The following CNTN5 variants were observed in gnomAD, a reference collection of about 807,000 sequenced individuals.
CNTN5 encodes contactin-5.
In CNTN5, 77 loss-of-function variants were observed where a neutral mutation model predicts 129.1. That is an observed-to-expected ratio of 0.60 (90% confidence interval 0.50 to 0.72). The LOEUF is 0.72. Ranked by LOEUF, CNTN5 falls within the 30% of genes least tolerant of loss-of-function variation. The pLI is 0.00. For missense variants in CNTN5, 1,478 were observed against 1,328.8 expected, an observed-to-expected ratio of 1.11 and a Z score of -1.75; for synonymous variants, 509 against 465.6, an observed-to-expected ratio of 1.09 and a Z score of -1.20.
intron 2 of CNTN5, among the ~76,000 whole-genome samples, chr11:99,541,812 G>A (rs1351601366): frequency 6.6e-6 from 1 of 151,892 alleles, no homozygotes; most frequent in Non-Finnish European, 1.5e-5. Context: ...GGCTACGTAG[G>A]ATGGCATGTG....
chr11:99,165,403 C>CT (rs1860822517), intron 1 of CNTN5, among the ~76,000 whole-genome samples: 1 of 152,024 alleles, frequency 6.6e-6, no homozygotes. Context: ...CATGTCAGGC[C>CT]TTTTGGTAGC....
intron 8 of CNTN5, among the ~76,000 whole-genome samples, chr11:99,982,618 G>A (rs1182092540): frequency 1.3e-5 from 2 of 151,984 alleles, no homozygotes; most frequent in African/African-American, 2.4e-5. Flanking sequence ...ATCCAAGACA[G>A]GTCAAATTTA....
intron 3 of CNTN5, among the ~76,000 whole-genome samples, chr11:99,747,181 T>TA (rs1565485689): frequency 1.3e-5 from 2 of 152,294 alleles, no homozygotes; most frequent in African/African-American, 4.8e-5. Flanking sequence ...GATGTGATTA[T>TA]AAAAAATATT....
rs1009629046 is a variant in CNTN5, at chr11:100,303,837, A to G, written c.2620+4441A>G. 2.0e-5 allele frequency among the ~76,000 whole-genome samples: 3 copies of G among 151,798 alleles called. No homozygotes were observed. In the East Asian group the frequency reaches 5.8e-4, roughly 30 times the overall value. On this transcript the variant is annotated intron_variant, in intron 20 of 24. Transcript: ENST00000524871. The stretch of plus-strand genomic sequence containing the variant: ...ATTAATAAATTGACATGTTAGTTGT[A>G]AAATACAAGAAATAATTTCCTGTCT...
At chr11:99,797,094 T>A (rs1945968179) in intron 3 of CNTN5, among the ~76,000 whole-genome samples, 1 of 152,096 alleles carries the variant, frequency 6.6e-6, no homozygotes, top group African/African-American at 2.4e-5. Context: ...ATATCCCTCC[T>A]GGCTACATCT....
At chr11:99,119,391 T>G (rs79615637) in intron 1 of CNTN5, among the ~76,000 whole-genome samples, 7,157 of 152,302 alleles carry the variant, frequency 0.047, 196 homozygotes, top group Middle Eastern at 0.065. Context: ...ACATACGGTT[T>G]TTGGTTTTCT....
At chr11:99,758,021 A>G (rs1287059834) in intron 3 of CNTN5, among the ~76,000 whole-genome samples, 1 of 152,042 alleles carries the variant, frequency 6.6e-6, no homozygotes, top group African/African-American at 2.4e-5. Flanking sequence ...GAAACAAAAT[A>G]CTAATCTTTA....
At chr11:100,295,284 A>G (rs1324716923) in intron 18 of CNTN5, among the ~76,000 whole-genome samples, 1 of 151,530 alleles carries the variant, frequency 6.6e-6, no homozygotes, top group Admixed American at 6.6e-5. Context: ...TTCAAGTAGT[A>G]AAACAAATGT....
In CNTN5 at chr11:99,748,679, G is replaced by C. The variant is rs992013578; in HGVS notation, c.56-70865G>C. Among the ~76,000 whole-genome samples, 6 of 152,278 alleles carry C rather than the reference G, an allele frequency of 3.9e-5. 1 individual carries two copies. The East Asian group carries it at 1.2e-3, about 29-fold the overall frequency. On this transcript the variant is annotated intron_variant, in intron 3 of 24. Transcript: ENST00000524871. ...GGAGTCCCAGAGTCTGAAGGTCTGA[G>C]AACCTGGAACAATTATATTCGAGGA...
intron 21 of CNTN5, among the ~76,000 whole-genome samples, chr11:100,313,507 AG>A (rs1193780945): frequency 3.9e-5 from 6 of 152,240 alleles, no homozygotes; most frequent in Admixed American, 6.5e-5. Context: ...TAGGAAATCA[AG>A]AGTTCTATTT....
intron 9 of CNTN5, among the ~76,000 whole-genome samples, chr11:100,046,482 T>C (rs959436722): frequency 6.6e-6 from 1 of 152,198 alleles, no homozygotes; most frequent in African/African-American, 2.4e-5. Flanking sequence ...TTTTCTTCTT[T>C]TTTTAACATT....
intron 4 of CNTN5, among the ~76,000 whole-genome samples, chr11:99,835,181 C>T (rs749523990): frequency 6.6e-6 from 1 of 152,180 alleles, no homozygotes; most frequent in African/African-American, 2.4e-5. Flanking sequence ...AAAATTGGTT[C>T]AGATGCAGAA....
intron 3 of CNTN5, among the ~76,000 whole-genome samples, chr11:99,627,610 C>T (rs924475028): frequency 5.3e-5 from 8 of 151,874 alleles, no homozygotes; most frequent in East Asian, 1.9e-4. Flanking sequence ...ATTTATTATA[C>T]GAGTAAGGAG....
chr11:99,572,346 G>A (rs745571979), intron 3 of CNTN5, among the ~76,000 whole-genome samples: 5 of 152,106 alleles, frequency 3.3e-5, no homozygotes, highest in African/African-American at 4.8e-5. Context: ...ATTTATGTTG[G>A]GCTGCATTTA....
At chr11:100,234,903 C>A (rs1408275991) in intron 16 of CNTN5, among the ~76,000 whole-genome samples, 6 of 151,302 alleles carry the variant, frequency 4.0e-5, no homozygotes, top group Admixed American at 4.0e-4. Context: ...CTCATTCTCT[C>A]ATTTTTAAAT....
intron 2 of CNTN5, among the ~76,000 whole-genome samples, chr11:99,517,133 T>C (rs1947086101): frequency 6.6e-6 from 1 of 152,096 alleles, no homozygotes; most frequent in South Asian, 2.1e-4. Context: ...TATCTCTCTT[T>C]TAAAGACCAG....
chr11:99,783,637 G>T lies in CNTN5; in HGVS notation c.56-35907G>T, dbSNP rs377217337. Among the ~76,000 whole-genome samples the T allele has an allele frequency of 8.6e-3, 1,156 of 135,188 alleles. 19 individuals are homozygous for T. Among genetic ancestry groups the T allele is most frequent in the African/African-American group, 0.03 (1,089 of 35,990 alleles). 88.7% of individuals were successfully genotyped at this position (135,188 alleles called of 152,430 possible). A position where few individuals can be genotyped will look rare whatever the true frequency, so the allele number is the denominator to read the frequency against. Reference sequence around the variant, plus strand: ...CATATACACCATGGAATACTATGCAGCCATAAAAAAGGATGAGTTCATGTC... The same window carrying T: ...CATATACACCATGGAATACTATGCATCCATAAAAAAGGATGAGTTCATGTC... On this transcript the variant is annotated intron_variant, in intron 3 of 24. Transcript: ENST00000524871.
At chr11:99,091,941 G>A (rs1348021454) in intron 1 of CNTN5, among the ~76,000 whole-genome samples, 9 of 152,084 alleles carry the variant, frequency 5.9e-5, no homozygotes, top group Non-Finnish European at 7.4e-5. Flanking sequence ...CAAGATTGGA[G>A]GAATGCTATC....
intron 3 of CNTN5, among the ~76,000 whole-genome samples, chr11:99,803,208 G>T (rs1946166738): frequency 6.6e-6 from 1 of 152,164 alleles, no homozygotes; most frequent in Non-Finnish European, 1.5e-5. Flanking sequence ...AGTAGAGAGG[G>T]CCCTGCTGCA....
Sources: allele counts gnomAD v4.1 joint callset (sites outside exome capture counted in the v4.1 genomes callset), GRCh38; gene constraint gnomAD v4.1.1; transcripts MANE v1.5; gene names NCBI Gene and HGNC (gene_info 2026-07-23, HGNC 2026-07-21).